The following GALNT17 variants were observed in gnomAD, a reference collection of about 807,000 sequenced individuals.
The protein encoded by GALNT17 is polypeptide N-acetylgalactosaminyltransferase 17.
A neutral mutation model predicts 63.7 loss-of-function variants in GALNT17; 29 were observed. That is an observed-to-expected ratio of 0.46 (90% CI 0.34 to 0.62). The LOEUF (loss-of-function observed/expected upper bound fraction) is 0.62, where lower values mean the gene tolerates loss of function less well. Ranked by LOEUF, GALNT17 falls within the 20% of genes least tolerant of loss-of-function variation. The pLI is 0.01. For synonymous variants in GALNT17, 305 were observed against 318.3 expected (o/e 0.96, Z 0.45); for missense variants, 603 against 799.6 (o/e 0.75, Z 2.97).
At chr7:71,134,034 A>G (rs906942803) in intron 1 of GALNT17, among the ~76,000 whole-genome samples, 1 of 152,230 alleles carries the variant, frequency 6.6e-6, no homozygotes, top group Non-Finnish European at 1.5e-5. Flanking sequence ...CAAAGACATT[A>G]CAAGTACATT....
chr7:71,608,243 G>A (rs1790074881), intron 6 of GALNT17, among the ~76,000 whole-genome samples: 1 of 152,156 alleles, frequency 6.6e-6, no homozygotes. Context: ...CAGCAGGAAA[G>A]AAAGAATGGA....
chr7:71,276,924 G>A (rs1216651552), intron 1 of GALNT17, among the ~76,000 whole-genome samples: 1 of 152,150 alleles, frequency 6.6e-6, no homozygotes, highest in Non-Finnish European at 1.5e-5. Flanking sequence ...CTTGAACCTG[G>A]CAGGCGGAGA....
At chr7:71,283,386 T>C (rs150217829) in intron 1 of GALNT17, among the ~76,000 whole-genome samples, 166 of 152,246 alleles carry the variant, frequency 1.1e-3, no homozygotes, top group Admixed American at 3.3e-3. Context: ...GGTTTAATTA[T>C]GTTGATTATA....
In GALNT17 at chr7:71,693,301, C is replaced by CATATATAT. The variant is rs1280771901; in HGVS notation, c.1500+15996_1500+15997insTATATATA. On this transcript the variant is annotated intron_variant, in intron 9 of 10. Coordinates refer to ENST00000333538, the MANE Select transcript of GALNT17 (RefSeq NM_022479.3). ...ACACACACACACACACACACACACA[C>CATATATAT]ACACACACATATATATATATGGAGA... 4.5e-4 allele frequency among the ~76,000 whole-genome samples: 37 copies of CATATATAT among 82,552 alleles called. 2 individuals are homozygous for CATATATAT. The highest frequency in any genetic ancestry group is 1.3e-3 in the African/African-American group (34 of 27,032). 54.2% of individuals were successfully genotyped at this position (82,552 alleles called of 152,430 possible). A position where few individuals can be genotyped will look rare whatever the true frequency, so the allele number is the denominator to read the frequency against.
chr7:71,236,671 T>A (rs1173900093), intron 1 of GALNT17, among the ~76,000 whole-genome samples: 3 of 152,156 alleles, frequency 2.0e-5, no homozygotes, highest in Non-Finnish European at 4.4e-5. Context: ...CCAGGCTGTG[T>A]GCTGATGCAA....
intron 6 of GALNT17, among the ~76,000 whole-genome samples, chr7:71,590,323 G>A (rs1485346292): frequency 6.6e-6 from 1 of 152,110 alleles, no homozygotes; most frequent in Admixed American, 6.5e-5. Flanking sequence ...ATTCTGTTTG[G>A]AATTTCACTT....
intron 1 of GALNT17, among the ~76,000 whole-genome samples, chr7:71,155,218 A>G (rs1007395155): frequency 2.0e-5 from 3 of 151,666 alleles, no homozygotes; most frequent in Non-Finnish European, 2.9e-5. Flanking sequence ...AGTTCCTTAT[A>G]TTGTGCTGTT....
At chr7:71,434,815 C>T (rs924761930) in intron 5 of GALNT17, among the ~76,000 whole-genome samples, 6 of 152,160 alleles carry the variant, frequency 3.9e-5, no homozygotes, top group African/African-American at 1.4e-4. Context: ...GTGGCATGGG[C>T]TGTTGTAGAT....
At chr7:71,683,215 A>C (rs879288943) in intron 9 of GALNT17, among the ~76,000 whole-genome samples, 1 of 151,984 alleles carries the variant, frequency 6.6e-6, no homozygotes, top group Non-Finnish European at 1.5e-5. Context: ...AGTCAATCTC[A>C]TGTTGCTTTC....
chr7:71,633,551 C>A (rs756689519), intron 6 of GALNT17, among the ~76,000 whole-genome samples: 1 of 152,042 alleles, frequency 6.6e-6, no homozygotes, highest in Admixed American at 6.6e-5. Flanking sequence ...CAGTATTTAC[C>A]GGCTCATTAT....
intron 1 of GALNT17, among the ~76,000 whole-genome samples, chr7:71,141,025 TA>T (rs11302399): frequency 0.78 from 116,694 of 150,210 alleles, 45,793 homozygotes; most frequent in East Asian, 0.99. Flanking sequence ...ACCCAAACTC[TA>T]AAAAAAAACC....
rs1792986484 is a variant in GALNT17 at position 71,388,307 on chromosome 7, G to T, written c.495G>T (p.Leu165=). The T allele has an allele frequency of 6.2e-7, 1 of 1,614,048 alleles. No individual in the cohort carries two copies. The highest frequency in any genetic ancestry group is 1.7e-5 in the Admixed American group (1 of 60,000). ...TATTCATCTTCGTGAACGAGGCCCT[G>T]TCGGTGATCCTGCGGTCCGTGCACA... The part of the protein sequence containing the change: ...SIIFIFVNEA[L]SVILRSVHSA... The change falls in exon 3 of 11, where the codon CTG becomes CTT. Residue 165 remains leucine (L), a synonymous_variant. Coordinates refer to ENST00000333538, the MANE Select transcript of GALNT17 (RefSeq NM_022479.3).
chr7:71,321,947 T>C (rs188570744), intron 1 of GALNT17, among the ~76,000 whole-genome samples: 1,901 of 87,622 alleles, frequency 0.022, 75 homozygotes, highest in African/African-American at 0.051. Flanking sequence ...CTCCCTCCCT[T>C]CCTTCCTTCC....
chr7:71,139,378 T>A (rs1173514503), intron 1 of GALNT17, among the ~76,000 whole-genome samples: 1 of 152,176 alleles, frequency 6.6e-6, no homozygotes, highest in African/African-American at 2.4e-5. Context: ...CCAGGGCAGC[T>A]CTGTCATAAG....
At chr7:71,162,570 C>G (rs1043764152) in intron 1 of GALNT17, among the ~76,000 whole-genome samples, 3 of 141,796 alleles carry the variant, frequency 2.1e-5, no homozygotes, top group Non-Finnish European at 4.8e-5. Flanking sequence ...CAGGACTCTT[C>G]TGAATATAGG....
intron 8 of GALNT17, among the ~76,000 whole-genome samples, chr7:71,671,550 G>A (rs1365369086): frequency 1.3e-5 from 2 of 152,208 alleles, no homozygotes; most frequent in African/African-American, 4.8e-5. Flanking sequence ...TCTCTAGGGC[G>A]GTTAGGGATA....
At chr7:71,530,418 T>G (rs1376013197) in intron 5 of GALNT17, among the ~76,000 whole-genome samples, 1 of 152,184 alleles carries the variant, frequency 6.6e-6, no homozygotes, top group Non-Finnish European at 1.5e-5. Context: ...ACTCATTTTC[T>G]ATCTCAGTTA....
chr7:71,702,674 G>T (rs920584262), intron 9 of GALNT17, among the ~76,000 whole-genome samples: 10 of 152,154 alleles, frequency 6.6e-5, no homozygotes, highest in Admixed American at 5.9e-4. Context: ...AAAAGCTGAG[G>T]GAGGCAAGGA....
intron 5 of GALNT17, among the ~76,000 whole-genome samples, chr7:71,485,769 A>G (rs1189332803): frequency 2.0e-5 from 3 of 152,188 alleles, no homozygotes; most frequent in Non-Finnish European, 2.9e-5. Flanking sequence ...TCTGACATTT[A>G]AAAAATTCAG....
Sources: allele counts gnomAD v4.1 joint callset (sites outside exome capture counted in the v4.1 genomes callset), GRCh38; gene constraint gnomAD v4.1.1; transcripts MANE v1.5; gene names NCBI Gene and HGNC (gene_info 2026-07-23, HGNC 2026-07-21).